Variants in KCNAB1 observed in about 807,000 individuals in gnomAD.
KCNAB1 encodes the protein voltage-gated potassium channel subunit beta-1.
A neutral mutation model predicts 64.6 loss-of-function variants in KCNAB1; 35 were observed. The ratio of observed to expected loss-of-function variants is 0.54; its 90% confidence interval spans 0.41 to 0.72. The LOEUF is 0.72. Ranked by LOEUF, KCNAB1 falls within the 30% of genes least tolerant of loss-of-function variation. The pLI is 0.00. For synonymous variants in KCNAB1, 177 were observed against 183.8 expected (o/e 0.96, Z 0.30); for missense variants, 401 against 512.9 (o/e 0.78, Z 2.11).
chr3:156,217,422 A>T (rs1216304438), intron 1 of KCNAB1, among the ~76,000 whole-genome samples: 3 of 152,256 alleles, frequency 2.0e-5, no homozygotes, highest in African/African-American at 7.2e-5. Context: ...GATATACGAA[A>T]AAAAATCATT....
intron 5 of KCNAB1, among the ~76,000 whole-genome samples, chr3:156,460,707 G>A (rs1186297051): frequency 6.6e-6 from 1 of 152,178 alleles, no homozygotes; most frequent in African/African-American, 2.4e-5. Context: ...AAAGAGCTGT[G>A]TACTCATGCT....
intron 1 of KCNAB1, among the ~76,000 whole-genome samples, chr3:156,147,057 C>T (rs9870793): frequency 0.64 from 97,649 of 152,020 alleles, 31,993 homozygotes; most frequent in Admixed American, 0.76. Flanking sequence ...AAAAACAGTG[C>T]CAAGAAAGAC....
At chr3:156,277,322 G>T (rs1576669322) in intron 1 of KCNAB1, among the ~76,000 whole-genome samples, 1 of 152,132 alleles carries the variant, frequency 6.6e-6, no homozygotes, top group Admixed American at 6.6e-5. Context: ...AGTTTAAAAT[G>T]TTGTGAGAAT....
intron 1 of KCNAB1, among the ~76,000 whole-genome samples, chr3:156,271,847 C>T (rs1719056301): frequency 6.6e-6 from 1 of 152,150 alleles, no homozygotes; most frequent in Non-Finnish European, 1.5e-5. Context: ...GGAAGGCTTT[C>T]CAGGTATTTA....
At chr3:156,451,927 A>G (rs1712037396) in intron 2 of KCNAB1, among the ~76,000 whole-genome samples, 1 of 152,040 alleles carries the variant, frequency 6.6e-6, no homozygotes, top group East Asian at 1.9e-4. Flanking sequence ...CCTCCAATCT[A>G]AATAGAGCAC....
At chr3:156,234,587 G>A (rs1560150504) in intron 1 of KCNAB1, among the ~76,000 whole-genome samples, 1 of 152,096 alleles carries the variant, frequency 6.6e-6, no homozygotes, top group Non-Finnish European at 1.5e-5. Context: ...TTGGGGGGGT[G>A]TCCTGAGTGT....
chr3:156,453,778 G>A (rs1712184830), intron 3 of KCNAB1, among the ~76,000 whole-genome samples: 1 of 152,148 alleles, frequency 6.6e-6, no homozygotes, highest in South Asian at 2.1e-4. Flanking sequence ...CTCTGAGTGG[G>A]TGCACTGAGT....
At chr3:156,276,885 C>T (rs1413555893) in intron 1 of KCNAB1, among the ~76,000 whole-genome samples, 1 of 152,142 alleles carries the variant, frequency 6.6e-6, no homozygotes, top group Non-Finnish European at 1.5e-5. Context: ...TATGTGTTCA[C>T]TAGATAAGCA....
At chr3:156,270,854 T>A (rs1293425052) in intron 1 of KCNAB1, among the ~76,000 whole-genome samples, 3 of 152,222 alleles carry the variant, frequency 2.0e-5, no homozygotes, top group African/African-American at 7.2e-5. Context: ...CCTTTTAGCA[T>A]TTCTCGTGGG....
chr3:156,326,359 A>C lies in KCNAB1; in HGVS notation c.276-95257A>C, dbSNP rs113685085. 1.1e-3 allele frequency among the ~76,000 whole-genome samples: 171 copies of C among 152,280 alleles called. 1 individual carries two copies. Among genetic ancestry groups the C allele is most frequent in the African/African-American group, 4.0e-3 (167 of 41,572 alleles). ...CAGCTTATAACCATTATCTCTGTCT[A>C]GGCAGAGTTCTGACCATATGTCATA... is the stretch of plus-strand genomic sequence containing the variant. On this transcript the variant is annotated intron_variant, in intron 1 of 13. Transcript: ENST00000490337.
chr3:156,408,202 C>G (rs1714385996), intron 1 of KCNAB1, among the ~76,000 whole-genome samples: 1 of 152,144 alleles, frequency 6.6e-6, no homozygotes, highest in Non-Finnish European at 1.5e-5. Flanking sequence ...GGGACCCTAT[C>G]CCACGTCTCA....
rs193057740 is a variant in KCNAB1 at position 156,264,349 on chromosome 3, T to A, written c.275+143463T>A. ...GATCTTGATTTTTCATGACAATCTT[T>A]GTCTTTTCATTTAGACTATGAAGGT... On this transcript the variant is annotated intron_variant, in intron 1 of 13. Coordinates refer to ENST00000490337, the MANE Select transcript of KCNAB1 (RefSeq NM_172160.3). 9.9e-5 allele frequency among the ~76,000 whole-genome samples: 15 copies of A among 152,250 alleles called. No homozygotes were observed. In the East Asian group the frequency reaches 2.9e-3, roughly 29 times the overall value.
At position 156,366,844 on chromosome 3, in the gene KCNAB1, T is replaced by C. The variant is rs188557809; in HGVS notation, c.276-54772T>C. On this transcript the variant is annotated intron_variant, in intron 1 of 13. Transcript: ENST00000490337. The stretch of plus-strand genomic sequence containing the variant: ...TCAACAGTGACCTGTCACGCAGTTA[T>C]AGGTTACATATGTCTTATTTTAAAG... Among the ~76,000 whole-genome samples, 28 of 152,358 alleles carry C rather than the reference T, an allele frequency of 1.8e-4. 1 individual carries two copies. The highest frequency in any genetic ancestry group is 6.7e-4 in the African/African-American group (28 of 41,594).
At chr3:156,222,547 T>C (rs1715848580) in intron 1 of KCNAB1, among the ~76,000 whole-genome samples, 2 of 152,114 alleles carry the variant, frequency 1.3e-5, no homozygotes, top group Admixed American at 1.3e-4. Flanking sequence ...AGAGAAACAA[T>C]GGACTTAAAC....
intron 1 of KCNAB1, among the ~76,000 whole-genome samples, chr3:156,322,186 G>C (rs1722702010): frequency 6.6e-6 from 1 of 152,202 alleles, no homozygotes; most frequent in South Asian, 2.1e-4. Context: ...ACTCGTCCCA[G>C]AACAGTTCTT....
Position 156,457,472 on chromosome 3 carries a change from C to T in KCNAB1, c.377C>T (p.Thr126Ile). The change falls in exon 4 of 14, where the codon ACC becomes ATC. Residue 126 changes from threonine to isoleucine, a missense_variant. Thr to Ile is a moderately conservative substitution (Grantham distance 89, BLOSUM62 -1). Coordinates refer to ENST00000490337, the MANE Select transcript of KCNAB1 (RefSeq NM_172160.3). The part of the protein sequence containing the change: ...ISDEVAERLM[T>I]IAYESGVNLF... ...TTGCAGGTTGCTGAACGGCTGATGA[C>T]CATCGCCTATGAAAGTGGTGTTAAC... 2 of 1,613,832 alleles carry T rather than the reference C, an allele frequency of 1.2e-6. No homozygotes were observed. The highest frequency in any genetic ancestry group is 1.7e-6 in the Non-Finnish European group (2 of 1,179,796).
rs1560112377 is a variant in KCNAB1, at chr3:156,158,180, AAATAAATAAAT to A, written c.275+37297_275+37307del. On this transcript the variant is annotated intron_variant, in intron 1 of 13. Transcript: ENST00000490337. ...ACTCTGTCTCAAAAAAAAAAATAAAAAATAAATAAATAAATAAATAAATAAATAAATAAATA... is the reference window on the plus strand; with the variant it reads ...ACTCTGTCTCAAAAAAAAAAATAAAAAAATAAATAAATAAATAAATAAATA... 3.0e-3 allele frequency among the ~76,000 whole-genome samples: 186 copies of A among 61,142 alleles called. 5 individuals carry two copies. Among genetic ancestry groups the A allele is most frequent in the East Asian group, 0.018 (45 of 2,518 alleles). The allele number at this position is 61,142 out of a possible 152,430, so 40.1% of individuals were successfully genotyped here.
rs73027874 is a variant in KCNAB1, at chr3:156,528,121, A to G, written c.1082-3288A>G. On this transcript the variant is annotated intron_variant, in intron 12 of 13. Coordinates refer to ENST00000490337, the MANE Select transcript of KCNAB1 (RefSeq NM_172160.3). ...ACCTAGAACCTGCTTTGTCCTCAGA[A>G]CTACCTTTAAGGCCAAAAATAGTTC... Among the ~76,000 whole-genome samples, 656 of 151,750 alleles carry G rather than the reference A, an allele frequency of 4.3e-3. 5 individuals are homozygous for G. Among genetic ancestry groups the G allele is most frequent in the African/African-American group, 0.015 (619 of 41,316 alleles).
intron 2 of KCNAB1, among the ~76,000 whole-genome samples, chr3:156,439,020 A>C (rs1304821027): frequency 3.7e-5 from 3 of 81,578 alleles, no homozygotes; most frequent in African/African-American, 1.7e-4. Flanking sequence ...TCTCAAAAAA[A>C]ACAAAAAACA....
Sources: gnomAD v4.1 joint callset for allele counts (sites outside exome capture counted in the v4.1 genomes callset) on GRCh38, gnomAD v4.1.1 for gene constraint, MANE v1.5 for transcripts, NCBI Gene and HGNC (gene_info 2026-07-23, HGNC 2026-07-21) for gene names.